Variants in GRM4 observed in about 807,000 individuals in gnomAD.
GRM4 encodes glutamate metabotropic receptor 4.
Under a neutral mutation model 81.7 loss-of-function variants are expected in GRM4, and 28 were observed. The ratio of observed to expected loss-of-function variants is 0.34; its 90% CI spans 0.25 to 0.47. The LOEUF is 0.47. Among genes scored for constraint, GRM4 ranks in the 20% least tolerant of loss-of-function variants. The pLI, the probability that GRM4 is intolerant of heterozygous loss-of-function variation, is 1.00. For missense variants in GRM4, 948 were observed against 1,290.0 expected, an observed-to-expected ratio of 0.73 and a Z score of 4.06; for synonymous variants, 488 against 528.8, an observed-to-expected ratio of 0.92 and a Z score of 1.06.
At chr6:34,110,641 T>A in intron 2 of GRM4, 1 of 1,164,362 alleles carries the variant, frequency 8.6e-7, no homozygotes, top group Non-Finnish European at 1.2e-6. Flanking sequence ...CCCCTTACCA[T>A]ACCCCTTCTC....
intron 3 of GRM4, among the ~76,000 whole-genome samples, chr6:34,084,018 G>C (rs927154566): frequency 2.0e-5 from 3 of 152,214 alleles, no homozygotes; most frequent in Admixed American, 6.5e-5. Context: ...GCACTCCTCT[G>C]AGAGACACAT....
At position 34,064,395 on chromosome 6, in the gene GRM4, A is replaced by G. The variant is rs1163531815; in HGVS notation, c.737-2367T>C. On this transcript the variant is annotated intron_variant, in intron 3 of 10. Coordinates refer to ENST00000538487, the MANE Select transcript of GRM4 (RefSeq NM_000841.4). The surrounding 1 kb of genome is among the most constrained non-coding windows in gnomAD (Gnocchi z 4.4). The stretch of plus-strand genomic sequence containing the variant: ...AAGTAGCTTCCCCAGGATCACAAAG[A>G]TAGTCAGGGGAAGAGGTGGGGTTTG... Among the ~76,000 whole-genome samples, 1 of 152,176 alleles carries G rather than the reference A, an allele frequency of 6.6e-6. No individual in the cohort carries two copies. Among genetic ancestry groups the G allele is most frequent in the African/African-American group, 2.4e-5 (1 of 41,446 alleles).
chr6:34,129,317 G>A (rs1193198542), intron 2 of GRM4, among the ~76,000 whole-genome samples: 1 of 152,190 alleles, frequency 6.6e-6, no homozygotes. Context: ...GCCAGCCACA[G>A]AAAGGTCTTA....
rs928835239 is a variant in GRM4 at position 34,091,930 on chromosome 6, T to C, written c.689A>G (p.Tyr230Cys). The C allele has an allele frequency of 6.2e-6, 10 of 1,614,120 alleles. No individual in the cohort carries two copies. The highest frequency in any genetic ancestry group is 2.2e-5 in the East Asian group (1 of 44,884). Residue 230 changes from tyrosine (Y) to cysteine (C), a missense_variant, in exon 3 of 11, where the codon TAT becomes TGT. Physicochemically the swap from Tyr to Cys is radical, Grantham distance 194 (BLOSUM62 -2). Transcript: ENST00000538487. ...GAAGGCCTCCACACCGCTCTCACCATAGCTGCCCTCCGAGGCCACTGTGGA... is the reference window on the plus strand; with the variant it reads ...GAAGGCCTCCACACCGCTCTCACCACAGCTGCCCTCCGAGGCCACTGTGGA... ...YVSTVASEGSYGESGVEAFIQ... is the reference protein window; with the variant it reads ...YVSTVASEGSCGESGVEAFIQ...
At position 34,105,067 on chromosome 6, in the gene GRM4, CTCGAG is replaced by C. The variant is rs202227394; in HGVS notation, c.520-12973_520-12969del. On this transcript the variant is annotated intron_variant, in intron 2 of 10. Transcript: ENST00000538487. ...AACCATGGTGTCTGCCCAGTGCGTTCTCGAGTCAAGTTAATGTGCAGTGCTGTATG... is the reference window on the plus strand; with the variant it reads ...AACCATGGTGTCTGCCCAGTGCGTTCTCAAGTTAATGTGCAGTGCTGTATG... Among the ~76,000 whole-genome samples, 367 of 152,232 alleles carry C rather than the reference CTCGAG, an allele frequency of 2.4e-3. 2 individuals carry two copies. The highest frequency in any genetic ancestry group is 0.02 in the Middle Eastern group (6 of 294).
chr6:34,121,006 T>C lies in GRM4; in HGVS notation c.519+11972A>G, dbSNP rs76763638. 5.9e-3 allele frequency among the ~76,000 whole-genome samples: 895 copies of C among 152,322 alleles called. 7 individuals are homozygous for C. The highest frequency in any genetic ancestry group is 0.02 in the African/African-American group (850 of 41,558). On this transcript the variant is annotated intron_variant, in intron 2 of 10. Transcript: ENST00000538487. This position sits in a 1 kb window ranked among gnomAD's most constrained non-coding sequence, Gnocchi z 4.6. ...ATATTATCCTCTATAATTTTCCATA[T>C]GTTTTAAATCATTTATTAAGATACG...
intron 5 of GRM4, 29 bp downstream of exon 5, chr6:34,058,945 G>A (rs768300637): frequency 3.8e-6 from 6 of 1,595,674 alleles, no homozygotes. Context: ...CCAGGATGGT[G>A]CCGACCACCT....
chr6:34,025,481 T>TC (rs1764087256), intron 10 of GRM4, among the ~76,000 whole-genome samples: 2 of 152,126 alleles, frequency 1.3e-5, no homozygotes, highest in Admixed American at 1.3e-4. Flanking sequence ...AGCTGCAGAC[T>TC]AGAGAAAGTG....
chr6:34,077,094 G>A (rs1223835108), intron 3 of GRM4, among the ~76,000 whole-genome samples: 1 of 152,098 alleles, frequency 6.6e-6, no homozygotes, highest in Admixed American at 6.5e-5. Flanking sequence ...GCTTTTCACA[G>A]TGTGGGACTG....
chr6:34,066,246 G>A lies in GRM4; in HGVS notation c.737-4218C>T, dbSNP rs1055629921. ...GGGCACAGGAGACCCACACAGAGTC[G>A]CTCAACACAGCACTGTCTGAAACTG... On this transcript the variant is annotated intron_variant, in intron 3 of 10. Transcript: ENST00000538487. Among the ~76,000 whole-genome samples, 11 of 152,222 alleles carry A rather than the reference G, an allele frequency of 7.2e-5. 1 individual carries two copies. The highest frequency in any genetic ancestry group is 5.9e-5 in the Non-Finnish European group (4 of 68,022).
At chr6:34,113,115 C>G (rs1172731119) in intron 2 of GRM4, among the ~76,000 whole-genome samples, 1 of 151,482 alleles carries the variant, frequency 6.6e-6, no homozygotes, top group African/African-American at 2.4e-5. Flanking sequence ...CTTTCCCTTC[C>G]TTCCTTCCTC....
chr6:34,044,119 G>GACACACACAC, intron 6 of GRM4, among the ~76,000 whole-genome samples: 1 of 139,590 alleles, frequency 7.2e-6, no homozygotes, highest in Non-Finnish European at 1.6e-5. Context: ...TATATACACA[G>GACACACACAC]ACACACACAC....
rs951791448 is a variant in GRM4 at position 34,115,234 on chromosome 6, G to A, written c.519+17744C>T. ...CCCACTCCACAGCTTGCATGTGTGC[G>A]TGCGTGCGTGTATGCGTGTGTGTGT... On this transcript the variant is annotated intron_variant, in intron 2 of 10. Transcript: ENST00000538487. The surrounding 1 kb of genome is among the most constrained non-coding windows in gnomAD (Gnocchi z 4.1). Among the ~76,000 whole-genome samples the A allele has an allele frequency of 6.6e-6, 1 of 151,362 alleles. No individual in the cohort carries two copies. Among genetic ancestry groups the A allele is most frequent in the African/African-American group, 2.5e-5 (1 of 40,658 alleles).
intron 2 of GRM4, among the ~76,000 whole-genome samples, chr6:34,131,502 G>C (rs569744909): frequency 6.6e-6 from 1 of 152,184 alleles, no homozygotes; most frequent in East Asian, 1.9e-4. Context: ...ACAGGTGGGC[G>C]CACACGTGCT....
At position 34,059,586 on chromosome 6, in the gene GRM4, T is replaced by C. The variant is rs546576464; in HGVS notation, c.873-458A>G. On this transcript the variant is annotated intron_variant, in intron 4 of 10. Transcript: ENST00000538487. The surrounding 1 kb of genome is among the most constrained non-coding windows in gnomAD (Gnocchi z 5.7). ...CACACAACCGCCGCCCTCACCCCTCTGCACATGCTGCCTTCTGCCCACAGC... is the reference window on the plus strand; with the variant it reads ...CACACAACCGCCGCCCTCACCCCTCCGCACATGCTGCCTTCTGCCCACAGC... 117 of 180,682 alleles carry C rather than the reference T, an allele frequency of 6.5e-4. 2 individuals are homozygous for C. Among genetic ancestry groups the C allele is most frequent in the South Asian group, 6.0e-3 (48 of 7,946 alleles). The allele number at this position is 180,682 out of a possible 1,614,324, so 11.2% of individuals were successfully genotyped here. A position where few individuals can be genotyped will look rare whatever the true frequency, so the allele number is the denominator to read the frequency against.
chr6:34,021,940 C>T lies in GRM4; in HGVS notation c.*881G>A, dbSNP rs554793941. On this transcript the variant is annotated 3_prime_UTR_variant, in exon 11 of 11. Coordinates refer to ENST00000538487, the MANE Select transcript of GRM4 (RefSeq NM_000841.4). The surrounding 1 kb of genome is among the most constrained non-coding windows in gnomAD (Gnocchi z 5.3). The stretch of plus-strand genomic sequence containing the variant: ...ATTGTCGTCAATAACCATCACCAAA[C>T]ACCCAGGCACTGAACTCCGTGTGGT... 1 of 153,570 alleles carries T rather than the reference C, an allele frequency of 6.5e-6. No homozygotes were observed. Among genetic ancestry groups the T allele is most frequent in the East Asian group, 1.9e-4 (1 of 5,196 alleles). 9.5% of individuals were successfully genotyped at this position (153,570 alleles called of 1,614,324 possible).
In GRM4 at chr6:34,130,584, C is replaced by T. The variant is rs1770195592; in HGVS notation, c.519+2394G>A. On this transcript the variant is annotated intron_variant, in intron 2 of 10. Coordinates refer to ENST00000538487, the MANE Select transcript of GRM4 (RefSeq NM_000841.4). The surrounding 1 kb of genome is among the most constrained non-coding windows in gnomAD (Gnocchi z 4.1). The stretch of plus-strand genomic sequence containing the variant: ...GGAGAGGTTAGCACAGCAGCTGCAG[C>T]CCACTCCCCTGTCTGGGGCACTGAG... Among the ~76,000 whole-genome samples the T allele has an allele frequency of 6.6e-6, 1 of 152,236 alleles. No homozygotes were observed. The highest frequency in any genetic ancestry group is 2.4e-5 in the African/African-American group (1 of 41,462).
intron 1 of GRM4, among the ~76,000 whole-genome samples, chr6:34,137,475 G>A (rs1770507020): frequency 6.6e-6 from 1 of 152,250 alleles, no homozygotes; most frequent in Non-Finnish European, 1.5e-5. Flanking sequence ...AACAGTCAGG[G>A]TAAGGGGGAT....
At chr6:34,046,070 G>C (rs1049592055) in intron 6 of GRM4, among the ~76,000 whole-genome samples, 2 of 151,962 alleles carry the variant, frequency 1.3e-5, no homozygotes, top group African/African-American at 4.8e-5. Context: ...AGTCCTTCTC[G>C]TCTCCCCCCT....
Sources: allele counts gnomAD v4.1 joint callset (sites outside exome capture counted in the v4.1 genomes callset), GRCh38; gene constraint gnomAD v4.1.1; non-coding constraint Gnocchi (gnomAD v3.1); transcripts MANE v1.5; gene names NCBI Gene and HGNC (gene_info 2026-07-23, HGNC 2026-07-21).